TAOK3: variants seen among roughly 807,000 people sequenced by gnomAD.
The protein encoded by TAOK3 is TAO kinase 3.
TAOK3 carries 40 observed loss-of-function variants against 120.4 expected under a neutral mutation model. The ratio of observed to expected loss-of-function variants is 0.33; its 90% confidence interval spans 0.26 to 0.43. The LOEUF is 0.43. Ranked by LOEUF, TAOK3 falls within the 20% of genes least tolerant of loss-of-function variation. The pLI, the probability that TAOK3 is intolerant of heterozygous loss-of-function variation, is 1.00. For synonymous variants in TAOK3, 355 were observed against 387.5 expected, an observed-to-expected ratio of 0.92 and a Z score of 0.99; for missense variants, 821 against 1,112.1, an observed-to-expected ratio of 0.74 and a Z score of 3.72.
At chr12:118,231,453 G>T (rs751480495) in intron 9 of TAOK3, among the ~76,000 whole-genome samples, 1 of 151,072 alleles carries the variant, frequency 6.6e-6, no homozygotes, top group Non-Finnish European at 1.5e-5. Context: ...TTGTTTTGTC[G>T]GAAGGGGTCA....
intron 1 of TAOK3, among the ~76,000 whole-genome samples, chr12:118,285,320 G>A (rs2042228076): frequency 6.6e-6 from 1 of 152,032 alleles, no homozygotes; most frequent in South Asian, 2.1e-4. Flanking sequence ...TGGGATTACA[G>A]GCGTGAGCCA....
At chr12:118,180,454 T>C (rs552644965) in intron 15 of TAOK3, among the ~76,000 whole-genome samples, 1 of 152,186 alleles carries the variant, frequency 6.6e-6, no homozygotes, top group East Asian at 1.9e-4. Context: ...TTGTCCAGGC[T>C]GGTCTTGAAC....
chr12:118,254,041 C>T (rs975864066), intron 3 of TAOK3, among the ~76,000 whole-genome samples: 2 of 152,160 alleles, frequency 1.3e-5, no homozygotes, highest in East Asian at 1.9e-4. Context: ...GGCTACAGAG[C>T]GAGGCTCTGT....
chr12:118,287,654 G>T (rs896023490), intron 1 of TAOK3, among the ~76,000 whole-genome samples: 1 of 152,084 alleles, frequency 6.6e-6, no homozygotes, highest in East Asian at 1.9e-4. Flanking sequence ...CTTGGAGTTG[G>T]TCAAGACAAT....
At chr12:118,307,355 G>A (rs1399125870) in intron 1 of TAOK3, among the ~76,000 whole-genome samples, 1 of 151,792 alleles carries the variant, frequency 6.6e-6, no homozygotes, top group East Asian at 1.9e-4. Context: ...TATTTTTGTT[G>A]GCCTAACCTC....
chr12:118,341,160 T>C (rs878927404), intron 1 of TAOK3, among the ~76,000 whole-genome samples: 2 of 151,954 alleles, frequency 1.3e-5, no homozygotes. Context: ...CCGCCATGCC[T>C]GGCTAATTTT....
Position 118,339,275 on chromosome 12 carries a change from C to CTTTTTTTTT in TAOK3, c.-194+33364_-194+33372dup, listed in dbSNP as rs72009582. Reference sequence around the variant, plus strand: ...TGAAAATTCTCCGTTCTTCATCATACTTTTTTTTTTTTTTTTTTTTTTTTT... The same window carrying CTTTTTTTTT: ...TGAAAATTCTCCGTTCTTCATCATACTTTTTTTTTTTTTTTTTTTTTTTTTTTTTTTTTT... On this transcript the variant is annotated intron_variant, in intron 1 of 20. Transcript: ENST00000392533. Among the ~76,000 whole-genome samples, 3 of 86,912 alleles carry CTTTTTTTTT rather than the reference C, an allele frequency of 3.5e-5. 1 individual carries two copies. The highest frequency in any genetic ancestry group is 1.5e-4 in the African/African-American group (3 of 20,106). 57.0% of individuals were successfully genotyped at this position (86,912 alleles called of 152,430 possible). A position where few individuals can be genotyped will look rare whatever the true frequency, so the allele number is the denominator to read the frequency against.
At position 118,371,777 on chromosome 12, in the gene TAOK3, C is replaced by G. The variant is rs969435059; in HGVS notation, c.-194+871G>C. Among the ~76,000 whole-genome samples the G allele has an allele frequency of 9.9e-5, 15 of 152,074 alleles. No homozygotes were observed. The highest frequency in any genetic ancestry group is 4.1e-4 in the South Asian group (2 of 4,834). On this transcript the variant is annotated intron_variant, in intron 1 of 20. Coordinates refer to ENST00000392533, the MANE Select transcript of TAOK3 (RefSeq NM_016281.4). The surrounding 1 kb of genome is among the most constrained non-coding windows in gnomAD (Gnocchi z 5.5). ...CCCGCTATGTGACTGGGGGCCCGAC[C>G]CGCACCCATGGGGCACCGCTCCTCC... is the stretch of plus-strand genomic sequence containing the variant.
chr12:118,212,047 T>C (rs2038660431), intron 11 of TAOK3, among the ~76,000 whole-genome samples: 1 of 152,208 alleles, frequency 6.6e-6, no homozygotes, highest in South Asian at 2.1e-4. Flanking sequence ...GGCCTACCGC[T>C]CACAAGAAGT....
chr12:118,261,925 A>G (rs2140224392), intron 2 of TAOK3, among the ~76,000 whole-genome samples: 1 of 152,150 alleles, frequency 6.6e-6, no homozygotes, highest in East Asian at 2.0e-4. Flanking sequence ...CAGTGGCACG[A>G]TCTTGGCTCA....
At chr12:118,238,527 C>T (rs1248257161) in intron 6 of TAOK3, among the ~76,000 whole-genome samples, 1 of 152,152 alleles carries the variant, frequency 6.6e-6, no homozygotes, top group Non-Finnish European at 1.5e-5. Flanking sequence ...GTTACATTTT[C>T]CTCCTCTGCC....
At chr12:118,168,492 A>G (rs1290150776) in intron 17 of TAOK3, among the ~76,000 whole-genome samples, 2 of 152,204 alleles carry the variant, frequency 1.3e-5, no homozygotes, top group Non-Finnish European at 2.9e-5. Context: ...TTATATGTTG[A>G]TATCTCAATA....
rs184753173 is a variant in TAOK3 at position 118,321,410 on chromosome 12, G to A, written c.-194+51238C>T. On this transcript the variant is annotated intron_variant, in intron 1 of 20. Transcript: ENST00000392533. The stretch of plus-strand genomic sequence containing the variant: ...TAAGAAGCTGGGGCTACTGGTGCAC[G>A]CCACCACATCTGGCTAGTTTTCATA... 6.8e-4 allele frequency among the ~76,000 whole-genome samples: 104 copies of A among 152,160 alleles called. 1 individual carries two copies. The highest frequency in any genetic ancestry group is 6.4e-3 in the Admixed American group (98 of 15,274).
At chr12:118,183,242 C>T (rs1277301412) in intron 14 of TAOK3, among the ~76,000 whole-genome samples, 1 of 152,138 alleles carries the variant, frequency 6.6e-6, no homozygotes, top group Admixed American at 6.5e-5. Context: ...GAGTTTGTTT[C>T]TCTGCTCTTT....
At chr12:118,228,488 T>C (rs2039615309) in intron 9 of TAOK3, among the ~76,000 whole-genome samples, 1 of 152,154 alleles carries the variant, frequency 6.6e-6, no homozygotes, top group African/African-American at 2.4e-5. Flanking sequence ...TAAAAGAACT[T>C]ATAAAATTTT....
chr12:118,344,353 T>C (rs990677309), intron 1 of TAOK3, among the ~76,000 whole-genome samples: 1 of 151,882 alleles, frequency 6.6e-6, no homozygotes, highest in Non-Finnish European at 1.5e-5. Flanking sequence ...TCAGTTACTA[T>C]ACAAAAGTGC....
At chr12:118,208,295 G>A (rs1424867310) in intron 11 of TAOK3, among the ~76,000 whole-genome samples, 1 of 152,172 alleles carries the variant, frequency 6.6e-6, no homozygotes, top group African/African-American at 2.4e-5. Context: ...ATATCTGGGA[G>A]TAAGTAGATA....
chr12:118,234,893 G>T (rs2039959097), intron 8 of TAOK3, among the ~76,000 whole-genome samples: 1 of 152,164 alleles, frequency 6.6e-6, no homozygotes, highest in Non-Finnish European at 1.5e-5. Context: ...TGTTTAATAT[G>T]CTTTGAACAG....
rs932622185 is a variant in TAOK3, at chr12:118,246,444, C to G, written c.121-1479G>C. On this transcript the variant is annotated intron_variant, in intron 3 of 20. Transcript: ENST00000392533. ...GCAGAAGCAGACCCGTGCCAGCCAGCGCACCAGGTTCAAGGCGTTTGTTGC... is the reference window on the plus strand; with the variant it reads ...GCAGAAGCAGACCCGTGCCAGCCAGGGCACCAGGTTCAAGGCGTTTGTTGC... The G allele has an allele frequency of 1.3e-5, 17 of 1,327,970 alleles. 1 individual carries two copies. The African/African-American group carries it at 2.5e-4, about 19-fold the overall frequency. The allele number at this position is 1,327,970 out of a possible 1,614,324, so 82.3% of individuals were successfully genotyped here. A position where few individuals can be genotyped will look rare whatever the true frequency, so the allele number is the denominator to read the frequency against.
Sources: allele counts gnomAD v4.1 joint callset (sites outside exome capture counted in the v4.1 genomes callset), GRCh38; gene constraint gnomAD v4.1.1; non-coding constraint Gnocchi (gnomAD v3.1); transcripts MANE v1.5; gene names NCBI Gene and HGNC (gene_info 2026-07-23, HGNC 2026-07-21).